The following GRB2 variants were observed in gnomAD, a reference collection of about 807,000 sequenced individuals.
GRB2 encodes growth factor receptor bound protein 2, also known as growth factor receptor-bound protein 2.
GRB2 carries 2 observed loss-of-function variants against 27.4 expected under a neutral mutation model. The observed-to-expected ratio is 0.07, with a 90% CI of 0.03 to 0.23. GRB2 has a LOEUF of 0.23. Among genes scored for constraint, GRB2 ranks in the 10% least tolerant of loss-of-function variants. The pLI is 1.00. For missense variants in GRB2, 102 were observed against 282.4 expected (o/e 0.36, Z 4.58); for synonymous variants, 94 against 99.6 (o/e 0.94, Z 0.33).
intron 2 of GRB2, among the ~76,000 whole-genome samples, chr17:75,385,042 A>AGC (rs1598251479): frequency 4.7e-5 from 4 of 84,828 alleles, no homozygotes; most frequent in East Asian, 5.1e-4. Flanking sequence ...AAAAAAAAAA[A>AGC]AAAAAAAAAA....
chr17:75,340,478 G>A (rs1051918518), intron 2 of GRB2, among the ~76,000 whole-genome samples: 4 of 152,138 alleles, frequency 2.6e-5, no homozygotes, highest in African/African-American at 9.7e-5. Context: ...GAATTCTAGT[G>A]ACATCTACTA....
intron 1 of GRB2, among the ~76,000 whole-genome samples, chr17:75,402,798 G>T (rs564236575): frequency 6.6e-6 from 1 of 152,054 alleles, no homozygotes; most frequent in African/African-American, 2.4e-5. Context: ...CATATTGGCC[G>T]GGCGCGGTGG....
intron 2 of GRB2, chr17:75,373,168 AC>A (rs2078867239): frequency 6.6e-6 from 1 of 152,200 alleles, no homozygotes; most frequent in Admixed American, 6.5e-5. Flanking sequence ...AATCGGTTGA[AC>A]CCAGGAGGTG....
intron 1 of GRB2, among the ~76,000 whole-genome samples, chr17:75,403,798 T>C (rs2079079720): frequency 1.3e-5 from 2 of 151,890 alleles, no homozygotes; most frequent in South Asian, 4.2e-4. Flanking sequence ...TGCTTGTGTT[T>C]AGTAGAAGAA....
At chr17:75,322,461 C>A (rs1311837511) in intron 4 of GRB2, among the ~76,000 whole-genome samples, 1 of 151,882 alleles carries the variant, frequency 6.6e-6, no homozygotes, top group Non-Finnish European at 1.5e-5. Flanking sequence ...ACTTAACATC[C>A]TTTGAATAAA....
At chr17:75,330,002 C>T (rs2078527904) in intron 3 of GRB2, among the ~76,000 whole-genome samples, 1 of 151,968 alleles carries the variant, frequency 6.6e-6, no homozygotes, top group Non-Finnish European at 1.5e-5. Flanking sequence ...GAGACAGAGT[C>T]TTGCTTTGTT....
intron 2 of GRB2, among the ~76,000 whole-genome samples, chr17:75,356,080 C>T (rs1201274025): frequency 1.3e-5 from 2 of 151,972 alleles, no homozygotes; most frequent in Admixed American, 6.6e-5. Flanking sequence ...GTAATCCACC[C>T]GCCTTGGCCT....
chr17:75,381,043 A>G (rs1199640238), intron 2 of GRB2, among the ~76,000 whole-genome samples: 2 of 152,250 alleles, frequency 1.3e-5, no homozygotes, highest in Admixed American at 6.5e-5. Flanking sequence ...GACAATACAT[A>G]TATCAAAACC....
intron 1 of GRB2, among the ~76,000 whole-genome samples, chr17:75,395,322 C>T (rs948970156): frequency 6.6e-6 from 1 of 152,156 alleles, no homozygotes; most frequent in Admixed American, 6.5e-5. Flanking sequence ...TCAGGCCATA[C>T]CTAAGATATT....
At chr17:75,341,450 A>T (rs1189186880) in intron 2 of GRB2, among the ~76,000 whole-genome samples, 6 of 30,008 alleles carry the variant, frequency 2.0e-4, no homozygotes, top group African/African-American at 2.6e-4. Flanking sequence ...ACTCCATTAA[A>T]AAAAAAAAAA....
Position 75,357,498 on chromosome 17 carries a change from G to C in GRB2, c.79-24701C>G, listed in dbSNP as rs1037073418. On this transcript the variant is annotated intron_variant, in intron 2 of 5. Coordinates refer to ENST00000316804, the MANE Select transcript of GRB2 (RefSeq NM_002086.5). Reference sequence around the variant, plus strand: ...ACAACTTCTCTATCAATCTAAAATTGTTCTTTGAAAAAATAAAGTTGTCTT... The same window carrying C: ...ACAACTTCTCTATCAATCTAAAATTCTTCTTTGAAAAAATAAAGTTGTCTT... 5.3e-5 allele frequency among the ~76,000 whole-genome samples: 8 copies of C among 152,248 alleles called. No homozygotes were observed. The South Asian group carries it at 6.2e-4, about 12-fold the overall frequency.
chr17:75,388,355 G>A (rs183468679), intron 2 of GRB2, among the ~76,000 whole-genome samples: 2 of 152,020 alleles, frequency 1.3e-5, no homozygotes, highest in Non-Finnish European at 2.9e-5. Flanking sequence ...CATGCGCCTC[G>A]GCCTCCCCAA....
intron 2 of GRB2, among the ~76,000 whole-genome samples, chr17:75,374,581 G>A (rs563006806): frequency 2.6e-5 from 4 of 151,592 alleles, no homozygotes; most frequent in South Asian, 2.1e-4. Flanking sequence ...CACACTAGCC[G>A]AGTGTGGTGG....
intron 2 of GRB2, among the ~76,000 whole-genome samples, chr17:75,362,936 C>A (rs757640370): frequency 5.9e-5 from 9 of 152,078 alleles, no homozygotes; most frequent in Non-Finnish European, 1.3e-4. Flanking sequence ...AGGAAGAGGG[C>A]TAAGCCTAGG....
intron 2 of GRB2, among the ~76,000 whole-genome samples, chr17:75,351,494 G>T (rs2078691889): frequency 6.6e-6 from 1 of 151,980 alleles, no homozygotes; most frequent in Non-Finnish European, 1.5e-5. Flanking sequence ...ACAAAAAATA[G>T]AACAAAAAAG....
chr17:75,351,844 A>G (rs1219235010), intron 2 of GRB2, among the ~76,000 whole-genome samples: 1 of 152,192 alleles, frequency 6.6e-6, no homozygotes, highest in Non-Finnish European at 1.5e-5. Flanking sequence ...AAATAAATAT[A>G]TAGAAAATCT....
At chr17:75,395,341 C>T (rs934128262) in intron 1 of GRB2, among the ~76,000 whole-genome samples, 2 of 152,136 alleles carry the variant, frequency 1.3e-5, no homozygotes, top group South Asian at 2.1e-4. Flanking sequence ...TTCCATGTGG[C>T]GCTGGCTGTA....
At position 75,405,642 on chromosome 17, in the gene GRB2, C is replaced by T. The variant is rs530009994; in HGVS notation, c.-291G>A. The T allele has an allele frequency of 3.8e-4, 62 of 162,704 alleles. No homozygotes were observed. The South Asian group carries it at 7.8e-3, about 20-fold the overall frequency. 10.1% of individuals were successfully genotyped at this position (162,704 alleles called of 1,614,324 possible). A position where few individuals can be genotyped will look rare whatever the true frequency, so the allele number is the denominator to read the frequency against. On this transcript the variant is annotated 5_prime_UTR_variant, in exon 1 of 6. Transcript: ENST00000316804. ...CTGCCACAGCCGCCGCCGCCGCTGC[C>T]GCCGCCCGGTCGCCGAAGCAGCAAT... is the stretch of plus-strand genomic sequence containing the variant.
chr17:75,349,334 G>GGA, intron 2 of GRB2, among the ~76,000 whole-genome samples: 1 of 152,102 alleles, frequency 6.6e-6, no homozygotes, highest in South Asian at 2.1e-4. Context: ...AACCATGCTG[G>GGA]CCATGTTACT....
Sources: gnomAD v4.1 joint callset for allele counts (sites outside exome capture counted in the v4.1 genomes callset) on GRCh38, gnomAD v4.1.1 for gene constraint, MANE v1.5 for transcripts, NCBI Gene and HGNC (gene_info 2026-07-23, HGNC 2026-07-21) for gene names.